Variants in DNAH1 observed in about 807,000 individuals in gnomAD.
The protein encoded by DNAH1 is dynein axonemal heavy chain 1.
A neutral mutation model predicts 484.3 loss-of-function variants in DNAH1; 327 were observed. The observed-to-expected ratio is 0.68, with a 90% CI of 0.62 to 0.74. The LOEUF is 0.74. Ranked by LOEUF, DNAH1 falls within the 30% of genes least tolerant of loss-of-function variation. The pLI, the probability that DNAH1 is intolerant of heterozygous loss-of-function variation, is 0.00. For synonymous variants in DNAH1, 2,192 were observed against 2,191.9 expected (o/e 1.00, Z 0.00); for missense variants, 5,052 against 5,546.8 (o/e 0.91, Z 2.83).
Position 52,379,794 on chromosome 3 carries a change from G to A in DNAH1, c.7378-111G>A. The A allele has an allele frequency of 1.1e-6, 1 of 928,866 alleles. No individual in the cohort carries two copies. Among genetic ancestry groups the A allele is most frequent in the Non-Finnish European group, 1.6e-6 (1 of 628,908 alleles). 57.5% of individuals were successfully genotyped at this position (928,866 alleles called of 1,614,324 possible). A position where few individuals can be genotyped will look rare whatever the true frequency, so the allele number is the denominator to read the frequency against. On this transcript the variant is annotated intron_variant, in intron 47 of 77. Transcript: ENST00000420323. This position sits in a 1 kb window ranked among gnomAD's most constrained non-coding sequence, Gnocchi z 4.4. ...CCCTGGGCCATGGTGGGAGAGCCAGGCTCCAGTCAGGGCCCCAGGAACTGG... is the reference window on the plus strand; with the variant it reads ...CCCTGGGCCATGGTGGGAGAGCCAGACTCCAGTCAGGGCCCCAGGAACTGG...
intron 1 of DNAH1, among the ~76,000 whole-genome samples, chr3:52,319,351 A>G (rs962089235): frequency 1.3e-5 from 2 of 152,220 alleles, no homozygotes; most frequent in Non-Finnish European, 2.9e-5. Flanking sequence ...CTTGGGTTCA[A>G]ATTTCAACTG....
Position 52,358,748 on chromosome 3 carries a change from C to G in DNAH1, c.4266+11C>G. 1.9e-6 allele frequency: 3 copies of G among 1,611,592 alleles called. No homozygotes were observed. In the South Asian group the frequency reaches 3.3e-5, roughly 18 times the overall value. On this transcript the variant is annotated intron_variant, in intron 25 of 77. Coordinates refer to ENST00000420323, the MANE Select transcript of DNAH1 (RefSeq NM_015512.5). This position sits in a 1 kb window ranked among gnomAD's most constrained non-coding sequence, Gnocchi z 4.2. ...AGGGCCTACCCCACGGTGAGCCGCCCGCAGCCCGTGCAGCCTTCCACCCCT... is the reference window on the plus strand; with the variant it reads ...AGGGCCTACCCCACGGTGAGCCGCCGGCAGCCCGTGCAGCCTTCCACCCCT...
chr3:52,330,921 A>G (rs1442081793), intron 6 of DNAH1, among the ~76,000 whole-genome samples: 1 of 152,144 alleles, frequency 6.6e-6, no homozygotes, highest in Non-Finnish European at 1.5e-5. Flanking sequence ...CAGGGCAGAG[A>G]AGCCTGGTCT....
At position 52,385,437 on chromosome 3, in the gene DNAH1, A is replaced by T; in HGVS notation, c.8615A>T (p.Glu2872Val). ...EAAKDTMLTMEQIKVDTAIAE... is the reference protein window; with the variant it reads ...EAAKDTMLTMVQIKVDTAIAE... ...GCCAAGGACACCATGCTCACCATGGAGCAGATCAAGGTTGGGGTGCTCCCG... is the reference window on the plus strand; with the variant it reads ...GCCAAGGACACCATGCTCACCATGGTGCAGATCAAGGTTGGGGTGCTCCCG... Residue 2872 changes from glutamate (E) to valine (V), a missense_variant, in exon 54 of 78, where the codon GAG becomes GTG. Physicochemically the swap from Glu to Val is moderately radical, Grantham distance 121 (BLOSUM62 -2). This residue lies in a region of DNAH1 where 2,929 missense variants were observed against 3,409.4 expected (regional missense o/e 0.86). Transcript: ENST00000420323. 6.4e-7 allele frequency: 1 copy of T among 1,551,754 alleles called. No homozygotes were observed. Among genetic ancestry groups the T allele is most frequent in the Non-Finnish European group, 8.7e-7 (1 of 1,147,042 alleles).
rs926954290 is a variant in DNAH1, at chr3:52,368,770, G to A, written c.5795G>A (p.Arg1932Gln). Residue 1932 changes from arginine to glutamine, a missense_variant, in exon 37 of 78, where the codon CGG becomes CAG. This residue lies in a region of DNAH1 where 2,929 missense variants were observed against 3,409.4 expected (regional missense o/e 0.86). Transcript: ENST00000420323. The surrounding 1 kb of genome is among the most constrained non-coding windows in gnomAD (Gnocchi z 4.4). ...WTDGIFSSFI[R>Q]AGAITSDTNK... Reference sequence around the variant, plus strand: ...GACGGGATATTCTCCTCGTTCATCCGGGCGGGGGCCATCACCTCCGACACC... The same window carrying A: ...GACGGGATATTCTCCTCGTTCATCCAGGCGGGGGCCATCACCTCCGACACC... 6.8e-6 allele frequency: 11 copies of A among 1,613,778 alleles called. No homozygotes were observed. Among genetic ancestry groups the A allele is most frequent in the Middle Eastern group, 1.7e-4 (1 of 6,032 alleles).
intron 8 of DNAH1, among the ~76,000 whole-genome samples, chr3:52,342,891 G>A (rs1702001380): frequency 6.6e-6 from 1 of 152,238 alleles, no homozygotes; most frequent in Admixed American, 6.5e-5. Context: ...ATAGGTGTGA[G>A]GGTTCTGGCT....
intron 12 of DNAH1, 54 bp from the exon 13 acceptor site, chr3:52,348,834 C>T: frequency 1.3e-6 from 2 of 1,579,204 alleles, no homozygotes; most frequent in Non-Finnish European, 1.7e-6. Flanking sequence ...CCCCTCTGCT[C>T]ATTCACCCCC....
At chr3:52,334,803 GTAAT>G (rs976848227) in intron 8 of DNAH1, among the ~76,000 whole-genome samples, 17 of 151,526 alleles carry the variant, frequency 1.1e-4, no homozygotes, top group African/African-American at 3.6e-4. Flanking sequence ...AAAAATGTAT[GTAAT>G]TAATTAATTA....
At chr3:52,312,131 G>C (rs933876849), upstream of DNAH1, among the ~76,000 whole-genome samples, 9 of 152,192 alleles carry the variant, frequency 5.9e-5, no homozygotes, top group African/African-American at 2.2e-4. Flanking sequence ...GGGTCCAGCT[G>C]CCAAGCCAGC....
At chr3:52,374,314 A>G in intron 44 of DNAH1, 3 of 1,535,250 alleles carry the variant, frequency 2.0e-6, no homozygotes, top group Admixed American at 1.7e-5. Context: ...AGGTGTTACT[A>G]CCTTTGCACA....
At chr3:52,393,613 A>G in intron 66 of DNAH1, 128 bp downstream of exon 66, 1 of 1,374,868 alleles carries the variant, frequency 7.3e-7, no homozygotes, top group Non-Finnish European at 9.9e-7. Context: ...AGAGGAAACA[A>G]TTCCTTGATT....
intron 8 of DNAH1, among the ~76,000 whole-genome samples, chr3:52,335,365 GA>G (rs1473362344): frequency 8.3e-5 from 10 of 120,572 alleles, no homozygotes; most frequent in African/African-American, 3.2e-4. Context: ...AAAAATGTGT[GA>G]TTTTTTTTTG....
At chr3:52,378,826 G>A (rs1025242699) in intron 47 of DNAH1, 46 bp downstream of exon 47, 12 of 1,606,848 alleles carry the variant, frequency 7.5e-6, no homozygotes, top group Admixed American at 1.7e-5. Context: ...ACTGCTCTCC[G>A]CATCCTCCCC....
In DNAH1 at chr3:52,326,795, C is replaced by T. The variant is rs763458026; in HGVS notation, c.642C>T (p.Asp214=). The T allele has an allele frequency of 6.2e-7, 1 of 1,613,806 alleles. No individual in the cohort carries two copies. Among genetic ancestry groups the T allele is most frequent in the South Asian group, 1.1e-5 (1 of 91,068 alleles). The part of the protein sequence containing the change: ...IEQLLFSQGI[D]SNKLMPRHLD... ...AGTTGCTGTTCAGCCAGGGCATCGA[C>T]TCCAACAAGCTCATGCCCAGGCACC... Residue 214 remains aspartate, a synonymous_variant, in exon 5 of 78, where the codon GAC becomes GAT. Transcript: ENST00000420323.
At position 52,360,361 on chromosome 3, in the gene DNAH1, T is replaced by C; in HGVS notation, c.4622T>C (p.Phe1541Ser). ...DLYIRAVNAEFIYGYEYLGNS... is the reference protein window; with the variant it reads ...DLYIRAVNAESIYGYEYLGNS... ...TATATCCGTGCTGTGAATGCTGAGT[T>C]CATCTATGGCTATGAGTACCTGGGC... Residue 1541 changes from phenylalanine to serine, a missense_variant, in exon 28 of 78, where the codon TTC (phenylalanine) becomes TCC (serine). Phe to Ser is a radical substitution (Grantham distance 155). Around this residue, in one of 4 missense-constraint regions of DNAH1, gnomAD observed 2,929 missense variants for 3,409.4 expected, o/e 0.86. Transcript: ENST00000420323. The C allele has an allele frequency of 6.2e-7, 1 of 1,614,012 alleles. No homozygotes were observed. Among genetic ancestry groups the C allele is most frequent in the Non-Finnish European group, 8.5e-7 (1 of 1,179,878 alleles).
chr3:52,391,612 C>T lies in DNAH1; in HGVS notation c.10052+9C>T. 3.1e-6 allele frequency: 5 copies of T among 1,613,632 alleles called. No homozygotes were observed. Among genetic ancestry groups the T allele is most frequent in the Non-Finnish European group, 4.2e-6 (5 of 1,179,824 alleles). On this transcript the variant is annotated intron_variant, in intron 63 of 77. Coordinates refer to ENST00000420323, the MANE Select transcript of DNAH1 (RefSeq NM_015512.5). ...TTCACCCTGTCGCCCAGGTGAGCCC[C>T]CACTCTTGGGGACGCCCAAGCATCA...
intron 44 of DNAH1, among the ~76,000 whole-genome samples, chr3:52,373,352 G>T (rs1373966075): frequency 2.0e-5 from 3 of 152,172 alleles, no homozygotes; most frequent in Non-Finnish European, 2.9e-5. Flanking sequence ...CGCTGCTGCT[G>T]CGGGGGCAGG....
chr3:52,371,858 G>T, intron 41 of DNAH1, 88 bp from the exon 42 acceptor site: 1 of 1,552,844 alleles, frequency 6.4e-7, no homozygotes, highest in South Asian at 1.2e-5. Flanking sequence ...TGCAGCTCCT[G>T]GCCCTTCTGC....
chr3:52,352,607 C>G lies in DNAH1; in HGVS notation c.2927C>G (p.Ala976Gly). 6.2e-7 allele frequency: 1 copy of G among 1,612,842 alleles called. No individual in the cohort carries two copies. Among genetic ancestry groups the G allele is most frequent in the Non-Finnish European group, 8.5e-7 (1 of 1,179,634 alleles). ...GAGATTTCACGTGCACACGAGATCG[C>G]CAACGAGGTGCGGCGTGTCAAGAAG... ...HVEISRAHEI[A>G]NEVRRVKKQL... The change falls in exon 18 of 78, where the codon GCC becomes GGC. Residue 976 changes from alanine to glycine, a missense_variant. Physicochemically the swap from Ala to Gly is moderately conservative, Grantham distance 60. Coordinates refer to ENST00000420323, the MANE Select transcript of DNAH1 (RefSeq NM_015512.5).
Sources: allele counts gnomAD v4.1 joint callset (sites outside exome capture counted in the v4.1 genomes callset), GRCh38; gene constraint gnomAD v4.1.1; regional missense constraint gnomAD v4.1.1; non-coding constraint Gnocchi (gnomAD v3.1); transcripts MANE v1.5; gene names NCBI Gene and HGNC (gene_info 2026-07-23, HGNC 2026-07-21).